The following KIAA0586 variants were observed in gnomAD, a reference collection of about 807,000 sequenced individuals.
KIAA0586 encodes KIAA0586, also known as protein TALPID3.
KIAA0586 carries 144 observed loss-of-function variants against 169.8 expected under a neutral mutation model. The ratio of observed to expected loss-of-function variants is 0.85; its 90% CI spans 0.74 to 0.97. The LOEUF is 0.97. Ranked by LOEUF, KIAA0586 falls within the 50% of genes least tolerant of loss-of-function variation. The probability of loss-of-function intolerance (pLI) is 0.00; values close to 1 mark genes in which losing one functional copy is unlikely to be tolerated. For synonymous variants in KIAA0586, 625 were observed against 612.4 expected (o/e 1.02, Z -0.30); for missense variants, 1,854 against 1,823.0 (o/e 1.02, Z -0.31).
chr14:58,541,460 G>A (rs990994937), intron 30 of KIAA0586, among the ~76,000 whole-genome samples: 8 of 152,160 alleles, frequency 5.3e-5, no homozygotes, highest in Admixed American at 3.3e-4. Context: ...GCATTGTCTG[G>A]AAGAAATGAC....
chr14:58,528,689 G>A (rs1404650237), intron 29 of KIAA0586, among the ~76,000 whole-genome samples: 2 of 152,090 alleles, frequency 1.3e-5, no homozygotes, highest in Non-Finnish European at 2.9e-5. Context: ...AGAATTTCTG[G>A]GACACATTTA....
chr14:58,444,653 A>G (rs1279790469), intron 6 of KIAA0586, among the ~76,000 whole-genome samples: 2 of 151,810 alleles, frequency 1.3e-5, no homozygotes, highest in African/African-American at 2.4e-5. Flanking sequence ...CTAACTCCTG[A>G]CCTCAAGTGA....
In KIAA0586 at chr14:58,427,799, A is replaced by G. The variant is rs2036954887; in HGVS notation, c.-466A>G. 6.6e-7 allele frequency: 1 copy of G among 1,507,760 alleles called. No homozygotes were observed. The highest frequency in any genetic ancestry group is 1.2e-5 in the South Asian group (1 of 80,030). 93.4% of individuals were successfully genotyped at this position (1,507,760 alleles called of 1,614,324 possible). ...TAGGGGTGAATTTATGTTTCCGACG[A>G]TTGCATCTGGAGGGGTGTGTAAGAC... On this transcript the variant is annotated 5_prime_UTR_variant, in exon 1 of 31. Transcript: ENST00000652326.
At chr14:58,519,631 A>G (rs752311754) in intron 29 of KIAA0586, among the ~76,000 whole-genome samples, 23 of 152,210 alleles carry the variant, frequency 1.5e-4, no homozygotes, top group Non-Finnish European at 3.2e-4. Flanking sequence ...TGCTTTTATC[A>G]TCTCTATATT....
chr14:58,432,484 G>A, intron 4 of KIAA0586, 27 bp downstream of exon 4: 1 of 1,256,446 alleles, frequency 8.0e-7, no homozygotes, highest in South Asian at 1.4e-5. Context: ...GAAAATAATT[G>A]GACCATTTCT....
At chr14:58,484,898 A>ATATATT (rs1230592298) in intron 21 of KIAA0586, among the ~76,000 whole-genome samples, 3 of 4,890 alleles carry the variant, frequency 6.1e-4, no homozygotes, top group African/African-American at 1.1e-3. Context: ...ATTTATATAT[A>ATATATT]TATATATATA....
At chr14:58,533,451 A>G (rs2046102883) in intron 29 of KIAA0586, among the ~76,000 whole-genome samples, 1 of 152,242 alleles carries the variant, frequency 6.6e-6, no homozygotes, top group Non-Finnish European at 1.5e-5. Flanking sequence ...TTAAACTGTA[A>G]CCACATGGCT....
intron 9 of KIAA0586, among the ~76,000 whole-genome samples, chr14:58,454,412 C>G (rs1253661179): frequency 2.6e-5 from 4 of 152,118 alleles, no homozygotes; most frequent in African/African-American, 9.7e-5. Flanking sequence ...TGATGCAGCT[C>G]TTTTAAATCA....
intron 24 of KIAA0586, among the ~76,000 whole-genome samples, chr14:58,489,128 T>C (rs1247163059): frequency 6.6e-6 from 1 of 152,122 alleles, no homozygotes; most frequent in African/African-American, 2.4e-5. Flanking sequence ...GTCTTTTTTG[T>C]CTATGCATAT....
rs746136288 is a variant in KIAA0586, at chr14:58,432,412, A to G, written c.365A>G (p.Tyr122Cys). The change falls in exon 4 of 31, where the codon TAT becomes TGT. Residue 122 changes from tyrosine to cysteine, a missense_variant. Physicochemically the swap from Tyr to Cys is radical, Grantham distance 194. Transcript: ENST00000652326. ...QKANDIFISQ[Y>C]TMGQKDALRT... ...GCAAATGACATCTTCATTTCTCAGTATACAATGGGACAGAAAGATGCTCTA... is the reference window on the plus strand; with the variant it reads ...GCAAATGACATCTTCATTTCTCAGTGTACAATGGGACAGAAAGATGCTCTA... 1.3e-6 allele frequency: 2 copies of G among 1,567,862 alleles called. No individual in the cohort carries two copies. Among genetic ancestry groups the G allele is most frequent in the Admixed American group, 3.9e-5 (2 of 51,934 alleles).
At chr14:58,560,406 T>C in the KIAA0586 span, among the ~76,000 whole-genome samples, 3 of 152,216 alleles carry the variant, frequency 2.0e-5, no homozygotes, top group African/African-American at 7.2e-5. Flanking sequence ...TGTTGAGGAC[T>C]TGTCTGAGAG....
At chr14:58,508,782 G>T in intron 28 of KIAA0586, 73 bp downstream of exon 28, 1 of 1,182,030 alleles carries the variant, frequency 8.5e-7, no homozygotes, top group Non-Finnish European at 1.2e-6. Context: ...GTGGTACCCC[G>T]TCAAGAGCCA....
chr14:58,451,534 G>A (rs2039389716), intron 8 of KIAA0586, among the ~76,000 whole-genome samples: 1 of 151,994 alleles, frequency 6.6e-6, no homozygotes, highest in Admixed American at 6.6e-5. Flanking sequence ...GGCAAGTTTT[G>A]TTATTAATAA....
chr14:58,527,537 T>C (rs1399428341), intron 29 of KIAA0586, among the ~76,000 whole-genome samples: 2 of 152,096 alleles, frequency 1.3e-5, no homozygotes, highest in Non-Finnish European at 2.9e-5. Context: ...CAGAAGAGAA[T>C]GGGGGGCCAA....
intron 14 of KIAA0586, among the ~76,000 whole-genome samples, chr14:58,463,371 TG>T (rs1377795518): frequency 6.6e-6 from 1 of 152,248 alleles, no homozygotes; most frequent in Non-Finnish European, 1.5e-5. Flanking sequence ...CTGTATTCCT[TG>T]TGCCAGAAAC....
chr14:58,429,383 G>A lies in KIAA0586; in HGVS notation c.220G>A (p.Ala74Thr), dbSNP rs748031975. ...TSRGSSDLTS[A>T]RNCYQPLLEN... is the part of the protein sequence containing the mutation. Reference sequence around the variant, plus strand: ...GTTAGGTTCATCAGACTTAACTTCTGCTAGAAATTGTTACCAGCCTCTATT... The same window carrying A: ...GTTAGGTTCATCAGACTTAACTTCTACTAGAAATTGTTACCAGCCTCTATT... Residue 74 changes from alanine (A) to threonine (T), a missense_variant, in exon 2 of 31, where the codon GCT becomes ACT. Transcript: ENST00000652326. 4 of 1,597,336 alleles carry A rather than the reference G, an allele frequency of 2.5e-6. No individual in the cohort carries two copies. Among genetic ancestry groups the A allele is most frequent in the South Asian group, 2.2e-5 (2 of 90,728 alleles).
chr14:58,492,802 C>T lies in KIAA0586; in HGVS notation c.3990+527C>T, dbSNP rs111803063. Among the ~76,000 whole-genome samples the T allele has an allele frequency of 1.7e-3, 264 of 152,162 alleles. 1 individual carries two copies. The highest frequency in any genetic ancestry group is 6.2e-3 in the African/African-American group (256 of 41,528). ...TGGAGTAGGACTTTGCAGGCAGCAA[C>T]GAAAGGGAAGGACATTTCAGAAGCA... On this transcript the variant is annotated intron_variant, in intron 26 of 30. Coordinates refer to ENST00000652326, the MANE Select transcript of KIAA0586 (RefSeq NM_001329943.3).
intron 21 of KIAA0586, among the ~76,000 whole-genome samples, chr14:58,486,063 C>A (rs1247068680): frequency 1.3e-5 from 2 of 152,056 alleles, no homozygotes; most frequent in East Asian, 3.9e-4. Context: ...AAGTGTAGTA[C>A]CCAAAAGTAG....
intron 29 of KIAA0586, among the ~76,000 whole-genome samples, chr14:58,529,342 C>T (rs1405918774): frequency 6.6e-6 from 1 of 152,162 alleles, no homozygotes; most frequent in Non-Finnish European, 1.5e-5. Context: ...AGACTGCTCC[C>T]TTACTCATTT....
Sources: allele counts gnomAD v4.1 joint callset (sites outside exome capture counted in the v4.1 genomes callset), GRCh38; gene constraint gnomAD v4.1.1; transcripts MANE v1.5; gene names NCBI Gene and HGNC (gene_info 2026-07-23, HGNC 2026-07-21).